The following MYO3B variants were observed in gnomAD, a reference collection of about 807,000 sequenced individuals.
MYO3B encodes the protein myosin IIIB.
Under a neutral mutation model 174.6 loss-of-function variants are expected in MYO3B, and 156 were observed. The observed-to-expected ratio is 0.89, with a 90% confidence interval of 0.78 to 1.02. MYO3B has a LOEUF of 1.02. MYO3B is among the 50% of genes least tolerant of loss of function. The pLI, the probability that MYO3B is intolerant of heterozygous loss-of-function variation, is 0.00. For synonymous variants in MYO3B, 563 were observed against 569.1 expected, an observed-to-expected ratio of 0.99 and a Z score of 0.15; for missense variants, 1,632 against 1,639.4, an observed-to-expected ratio of 1.00 and a Z score of 0.08.
At chr2:170,638,767 C>T (rs537460040) in intron 32 of MYO3B, among the ~76,000 whole-genome samples, 1 of 152,294 alleles carries the variant, frequency 6.6e-6, no homozygotes, top group Non-Finnish European at 1.5e-5. Context: ...GTGTAATTTG[C>T]CACACCAATG....
intron 16 of MYO3B, among the ~76,000 whole-genome samples, chr2:170,396,090 C>T (rs2105780364): frequency 6.6e-6 from 1 of 152,204 alleles, no homozygotes; most frequent in South Asian, 2.1e-4. Context: ...ATTGAGAAAC[C>T]CAGTTGGAGG....
intron 32 of MYO3B, among the ~76,000 whole-genome samples, chr2:170,650,928 C>T (rs1698963365): frequency 8.1e-6 from 1 of 123,328 alleles, no homozygotes; most frequent in Non-Finnish European, 1.8e-5. Flanking sequence ...ATGATCCACC[C>T]GCCTCAGCCT....
At chr2:170,271,566 T>A (rs962270268) in intron 7 of MYO3B, among the ~76,000 whole-genome samples, 3 of 152,208 alleles carry the variant, frequency 2.0e-5, no homozygotes. Flanking sequence ...TTTGCCTAAG[T>A]GTGGAATCTG....
At chr2:170,453,982 G>A (rs751656098) in intron 23 of MYO3B, among the ~76,000 whole-genome samples, 3 of 152,172 alleles carry the variant, frequency 2.0e-5, no homozygotes, top group African/African-American at 2.4e-5. Flanking sequence ...AGGGCTAACC[G>A]AATGCAATTA....
intron 8 of MYO3B, chr2:170,338,088 A>T (rs1262056510): frequency 1.3e-5 from 2 of 152,212 alleles, no homozygotes; most frequent in Admixed American, 6.5e-5. Flanking sequence ...TTATATGCCA[A>T]TTCAAATCTG....
intron 3 of MYO3B, among the ~76,000 whole-genome samples, chr2:170,201,352 C>T (rs1285104863): frequency 1.3e-5 from 2 of 152,198 alleles, no homozygotes; most frequent in African/African-American, 2.4e-5. Flanking sequence ...TCTGAGGTCA[C>T]GTAGGTGACC....
chr2:170,338,354 T>C (rs1359958071), intron 8 of MYO3B, among the ~76,000 whole-genome samples: 1 of 152,112 alleles, frequency 6.6e-6, no homozygotes, highest in Non-Finnish European at 1.5e-5. Flanking sequence ...ATGTCATCAG[T>C]CTTCTTTTTT....
intron 32 of MYO3B, chr2:170,641,175 C>T (rs1697918439): frequency 6.6e-6 from 1 of 152,178 alleles, no homozygotes; most frequent in South Asian, 2.1e-4. Context: ...TCCTGAAACA[C>T]AAATGGTGAA....
intron 8 of MYO3B, chr2:170,349,381 T>C (rs1457709188): frequency 6.6e-6 from 1 of 152,216 alleles, no homozygotes; most frequent in African/African-American, 2.4e-5. Context: ...GAGCAGAGAA[T>C]GTATCTTTAC....
intron 8 of MYO3B, among the ~76,000 whole-genome samples, chr2:170,335,836 T>C (rs1389972093): frequency 6.6e-6 from 1 of 152,164 alleles, no homozygotes; most frequent in Non-Finnish European, 1.5e-5. Flanking sequence ...GTGTGAAAGT[T>C]GGGCTTCCTC....
At position 170,653,785 on chromosome 2, in the gene MYO3B, A is replaced by C. The variant is rs528300291; in HGVS notation, c.*664A>C. On this transcript the variant is annotated 3_prime_UTR_variant, in exon 35 of 35. Coordinates refer to ENST00000408978, the MANE Select transcript of MYO3B (RefSeq NM_138995.5). ...GAGAAAGCCTCTGTCTCTTTATTTC[A>C]CCTTGCCAAGACACCCACACTACTT... The C allele has an allele frequency of 2.6e-5, 4 of 152,122 alleles. No individual in the cohort carries two copies. Among genetic ancestry groups the C allele is most frequent in the Non-Finnish European group, 5.9e-5 (4 of 68,026 alleles). The allele number at this position is 152,122 out of a possible 1,614,324, so 9.4% of individuals were successfully genotyped here.
intron 14 of MYO3B, among the ~76,000 whole-genome samples, chr2:170,390,731 A>G (rs2094405953): frequency 6.6e-6 from 1 of 152,210 alleles, no homozygotes; most frequent in African/African-American, 2.4e-5. Context: ...GATGTGGAGC[A>G]GTGCTTTTCA....
intron 7 of MYO3B, among the ~76,000 whole-genome samples, chr2:170,296,071 G>C (rs796993560): frequency 2.6e-5 from 4 of 152,112 alleles, no homozygotes; most frequent in Admixed American, 6.6e-5. Flanking sequence ...ATGCTCTTAC[G>C]CTCATCTTAG....
At chr2:170,591,321 A>G (rs957100028) in intron 32 of MYO3B, among the ~76,000 whole-genome samples, 1 of 152,206 alleles carries the variant, frequency 6.6e-6, no homozygotes, top group Admixed American at 6.5e-5. Context: ...GGGTGTCTGT[A>G]TTAAAGGTTC....
intron 7 of MYO3B, among the ~76,000 whole-genome samples, chr2:170,294,284 C>T (rs995468792): frequency 6.6e-5 from 10 of 151,258 alleles, no homozygotes; most frequent in Non-Finnish European, 5.9e-5. Context: ...TTGCAGACAG[C>T]CCAATTTTTG....
intron 28 of MYO3B, among the ~76,000 whole-genome samples, chr2:170,507,395 T>TTA: frequency 6.6e-6 from 1 of 151,486 alleles, no homozygotes; most frequent in East Asian, 1.9e-4. Flanking sequence ...CTTTCTTTCT[T>TTA]TCTTTTTCTT....
At chr2:170,257,853 CAAAT>C (rs1303673771) in intron 7 of MYO3B, among the ~76,000 whole-genome samples, 1 of 152,000 alleles carries the variant, frequency 6.6e-6, no homozygotes, top group Non-Finnish European at 1.5e-5. Flanking sequence ...AGAGAAGACT[CAAAT>C]AAACACAATC....
intron 9 of MYO3B, among the ~76,000 whole-genome samples, chr2:170,376,055 G>A (rs1242061049): frequency 6.6e-6 from 1 of 152,152 alleles, no homozygotes; most frequent in East Asian, 1.9e-4. Context: ...ATGATAAGAT[G>A]CTGATTTATT....
chr2:170,385,032 CT>C (rs1221675507), intron 12 of MYO3B, among the ~76,000 whole-genome samples: 1 of 152,036 alleles, frequency 6.6e-6, no homozygotes, highest in East Asian at 1.9e-4. Context: ...GAGGAAAACA[CT>C]TTACTTACAT....
Sources: allele counts gnomAD v4.1 joint callset (sites outside exome capture counted in the v4.1 genomes callset), GRCh38; gene constraint gnomAD v4.1.1; transcripts MANE v1.5; gene names NCBI Gene and HGNC (gene_info 2026-07-23, HGNC 2026-07-21).